SELENON: variants seen among roughly 807,000 people sequenced by gnomAD.
The protein encoded by SELENON is selenoprotein N, 1.
In SELENON, 44 loss-of-function variants were observed where a neutral mutation model predicts 59.5. That is an observed-to-expected ratio of 0.74 (90% CI 0.58 to 0.95). SELENON has a LOEUF of 0.95. SELENON is among the 40% of genes least tolerant of loss of function. The probability of loss-of-function intolerance (pLI) is 0.00; values close to 1 mark genes in which losing one functional copy is unlikely to be tolerated. For missense variants in SELENON, 674 were observed against 721.4 expected, an observed-to-expected ratio of 0.93 and a Z score of 0.75; for synonymous variants, 320 against 305.6, an observed-to-expected ratio of 1.05 and a Z score of -0.49.
At chr1:25,803,582 A>T (rs1275705169) in intron 3 of SELENON, among the ~76,000 whole-genome samples, 1 of 152,250 alleles carries the variant, frequency 6.6e-6, no homozygotes, top group Non-Finnish European at 1.5e-5. Context: ...ATTATAATTA[A>T]TAACATTATT....
intron 3 of SELENON, 95 bp from the exon 3 acceptor site, chr1:25,805,047 C>T (rs1333598870): frequency 2.6e-6 from 4 of 1,553,872 alleles, no homozygotes; most frequent in African/African-American, 2.7e-5. Flanking sequence ...CCACCCCCTG[C>T]CTGGCTCCGT....
In SELENON at chr1:25,809,020, C is replaced by T. The variant is rs1300732555; in HGVS notation, c.748-6C>T. The T allele has an allele frequency of 6.8e-6, 11 of 1,613,518 alleles. No individual in the cohort carries two copies. The highest frequency in any genetic ancestry group is 2.2e-5 in the East Asian group (1 of 44,892). ...CAAGCCAGTACGTGCCTCCCGCCGC[C>T]CCCAGGTCATCATCCACCGGCTCCT... On this transcript the variant is annotated splice_polypyrimidine_tract_variant and splice_region_variant and intron_variant, in intron 5 of 12. Coordinates refer to ENST00000361547, the MANE Select transcript of SELENON (RefSeq NM_020451.3).
At position 25,805,182 on chromosome 1, in the gene SELENON, C is replaced by G; in HGVS notation, c.444C>G (p.Pro148=). ...CCAGCTGCGAGGAGGAGGAGTTGCC[C>G]CCTGACCCTAGCGAGGAGACGCTCA... Residue 148 remains proline (P), a synonymous_variant, in exon 4 of 13, where the codon CCC becomes CCG. Coordinates refer to ENST00000361547, the MANE Select transcript of SELENON (RefSeq NM_020451.3). 6.2e-7 allele frequency: 1 copy of G among 1,614,004 alleles called. No individual in the cohort carries two copies. Among genetic ancestry groups the G allele is most frequent in the South Asian group, 1.1e-5 (1 of 91,076 alleles).
chr1:25,808,511 C>A, intron 4 of SELENON, 69 bp from the exon 4 acceptor site: 1 of 1,575,808 alleles, frequency 6.3e-7, no homozygotes, highest in South Asian at 1.1e-5. Flanking sequence ...GAGACCTCCA[C>A]CCACATGGTA....
At chr1:25,811,603 G>T (rs563965453) in intron 8 of SELENON, 68 bp downstream of exon 7, 1 of 1,604,212 alleles carries the variant, frequency 6.2e-7, no homozygotes, top group South Asian at 1.1e-5. Flanking sequence ...TCTGCAATGA[G>T]TGGAGCATTT....
At chr1:25,812,436 TACAA>T (rs956519733) in intron 9 of SELENON, among the ~76,000 whole-genome samples, 2 of 150,106 alleles carry the variant, frequency 1.3e-5, no homozygotes, top group Non-Finnish European at 3.0e-5. Context: ...TTCACACACA[TACAA>T]ACACACACAC....
chr1:25,811,673 C>G lies in SELENON; in HGVS notation c.1093-18C>G. On this transcript the variant is annotated intron_variant, in intron 8 of 12. Coordinates refer to ENST00000361547, the MANE Select transcript of SELENON (RefSeq NM_020451.3). ...GCCCATCTCTGAGCCTTCCCCCTACCACTGACCTCTGGCCCAGATGGAGCT... is the reference window on the plus strand; with the variant it reads ...GCCCATCTCTGAGCCTTCCCCCTACGACTGACCTCTGGCCCAGATGGAGCT... 3 of 1,611,818 alleles carry G rather than the reference C, an allele frequency of 1.9e-6. No homozygotes were observed. Among genetic ancestry groups the G allele is most frequent in the Non-Finnish European group, 2.5e-6 (3 of 1,178,884 alleles).
At chr1:25,811,908 G>T (rs548745457) in intron 9 of SELENON, 29 bp downstream of exon 8, 241 of 1,549,600 alleles carry the variant, frequency 1.6e-4, no homozygotes, top group Non-Finnish European at 2.0e-4. Context: ...GAAGGCCAGG[G>T]TCAGGCTGCA....
At chr1:25,800,812 G>C (rs775756511) in intron 1 of SELENON, among the ~76,000 whole-genome samples, 7 of 152,116 alleles carry the variant, frequency 4.6e-5, no homozygotes, top group Non-Finnish European at 1.0e-4. Flanking sequence ...AGGCGGAGTG[G>C]GGACAAACTG....
At chr1:25,812,567 AC>A (rs2047973665) in intron 9 of SELENON, 119 bp from the exon 9 acceptor site, 19 of 266,126 alleles carry the variant, frequency 7.1e-5, no homozygotes, top group South Asian at 5.7e-4. Context: ...ACACACAAAC[AC>A]ACACACACAC....
rs1382318967 is a variant in SELENON at position 25,807,057 on chromosome 1, C to T, written c.538-1523C>T. On this transcript the variant is annotated intron_variant, in intron 4 of 12. Coordinates refer to ENST00000361547, the MANE Select transcript of SELENON (RefSeq NM_020451.3). The surrounding 1 kb of genome is among the most constrained non-coding windows in gnomAD (Gnocchi z 4.5). ...CAGGATGGTTTCAATCTCCTGACCT[C>T]GTGATCCACCTGCCTCGGCCTCCCG... 2.0e-5 allele frequency among the ~76,000 whole-genome samples: 3 copies of T among 152,006 alleles called. No homozygotes were observed. The highest frequency in any genetic ancestry group is 2.9e-5 in the Non-Finnish European group (2 of 68,002).
chr1:25,800,423 C>T lies in SELENON; in HGVS notation c.183+10C>T. 1 of 1,096,910 alleles carries T rather than the reference C, an allele frequency of 9.1e-7. No homozygotes were observed. Among genetic ancestry groups the T allele is most frequent in the Non-Finnish European group, 1.1e-6 (1 of 901,268 alleles). The allele number at this position is 1,096,910 out of a possible 1,614,324, so 67.9% of individuals were successfully genotyped here. ...GGCGGCCGCGCGGCAGGTCCGGGCCCGAGCTGGCTGGGGCGGGAGCGCGGG... is the reference window on the plus strand; with the variant it reads ...GGCGGCCGCGCGGCAGGTCCGGGCCTGAGCTGGCTGGGGCGGGAGCGCGGG... On this transcript the variant is annotated intron_variant, in intron 1 of 12. Transcript: ENST00000361547.
At position 25,809,154 on chromosome 1, in the gene SELENON, A is replaced by T; in HGVS notation, c.872+4A>T. ...TCTACTACACTGTGATGTTCCGGTG[A>T]GTGGGCCACACTGGCTGGCCTGGAG... On this transcript the variant is annotated splice_donor_region_variant and intron_variant, in intron 6 of 12. Coordinates refer to ENST00000361547, the MANE Select transcript of SELENON (RefSeq NM_020451.3). The T allele has an allele frequency of 1.2e-6, 2 of 1,613,626 alleles. No homozygotes were observed. Among genetic ancestry groups the T allele is most frequent in the Non-Finnish European group, 1.7e-6 (2 of 1,179,984 alleles).
chr1:25,802,496 A>G (rs547115355), intron 3 of SELENON, among the ~76,000 whole-genome samples: 1 of 152,274 alleles, frequency 6.6e-6, no homozygotes, highest in South Asian at 2.1e-4. Flanking sequence ...AGCTGGGATT[A>G]CAGGCACCTA....
intron 3 of SELENON, among the ~76,000 whole-genome samples, chr1:25,803,155 C>G (rs1021692269): frequency 6.6e-6 from 1 of 152,310 alleles, no homozygotes. Flanking sequence ...GTGGCCTTGC[C>G]TGTACTTCTT....
chr1:25,803,618 A>G (rs1480124413), intron 3 of SELENON, among the ~76,000 whole-genome samples: 1 of 152,218 alleles, frequency 6.6e-6, no homozygotes, highest in African/African-American at 2.4e-5. Flanking sequence ...CAAATGAGAA[A>G]GCAAAGGCTC....
In SELENON at chr1:25,814,063, A is replaced by C. The variant is rs760706537; in HGVS notation, c.1501-14A>C. The C allele has an allele frequency of 2.5e-6, 4 of 1,612,882 alleles. No homozygotes were observed. The highest frequency in any genetic ancestry group is 1.6e-4 in the Middle Eastern group (1 of 6,062). ...GGGGGCCGCGGCATCAGGAGTGTGCAACTGTCCCCACAGAACAACCAGGAG... is the reference window on the plus strand; with the variant it reads ...GGGGGCCGCGGCATCAGGAGTGTGCCACTGTCCCCACAGAACAACCAGGAG... On this transcript the variant is annotated splice_polypyrimidine_tract_variant and intron_variant, in intron 11 of 12. Coordinates refer to ENST00000361547, the MANE Select transcript of SELENON (RefSeq NM_020451.3).
At chr1:25,809,229 A>G in intron 6 of SELENON, 79 bp downstream of exon 5, 5 of 1,596,490 alleles carry the variant, frequency 3.1e-6, no homozygotes, top group Non-Finnish European at 4.3e-6. Flanking sequence ...GCCCAGCTTG[A>G]GCCCCCCAGC....
In SELENON at chr1:25,815,884, G is replaced by C. The variant is rs2048006953; in HGVS notation, c.*166G>C. 1.5e-6 allele frequency: 1 copy of C among 672,608 alleles called. No individual in the cohort carries two copies. The highest frequency in any genetic ancestry group is 1.8e-5 in the African/African-American group (1 of 55,744). The allele number at this position is 672,608 out of a possible 1,614,324, so 41.7% of individuals were successfully genotyped here. A position where few individuals can be genotyped will look rare whatever the true frequency, so the allele number is the denominator to read the frequency against. On this transcript the variant is annotated 3_prime_UTR_variant, in exon 13 of 13. Transcript: ENST00000361547. ...CCACCACAGCCTTGGCTCCATGGTGGCGGGTAGACAAGGGATGCCTGGGCT... is the reference window on the plus strand; with the variant it reads ...CCACCACAGCCTTGGCTCCATGGTGCCGGGTAGACAAGGGATGCCTGGGCT...
Sources: gnomAD v4.1 joint callset for allele counts (sites outside exome capture counted in the v4.1 genomes callset) on GRCh38, gnomAD v4.1.1 for gene constraint, Gnocchi (gnomAD v3.1) non-coding constraint, MANE v1.5 for transcripts, NCBI Gene and HGNC (gene_info 2026-07-23, HGNC 2026-07-21) for gene names.